Variants in LIPC observed in about 807,000 individuals in gnomAD.
The protein encoded by LIPC is hepatic triacylglycerol lipase.
Under a neutral mutation model 50.7 loss-of-function variants are expected in LIPC, and 44 were observed. The ratio of observed to expected loss-of-function variants is 0.87; its 90% CI spans 0.68 to 1.11. The LOEUF (loss-of-function observed/expected upper bound fraction) is 1.11, where lower values mean the gene tolerates loss of function less well. Among genes scored for constraint, LIPC ranks in the 50% most tolerant of loss-of-function variants. The pLI, the probability that LIPC is intolerant of heterozygous loss-of-function variation, is 0.00. For missense variants in LIPC, 697 were observed against 648.2 expected (o/e 1.08, Z -0.82); for synonymous variants, 271 against 256.4 (o/e 1.06, Z -0.54).
At chr15:58,460,588 TG>T (rs1396097296) in intron 1 of LIPC, among the ~76,000 whole-genome samples, 1 of 152,224 alleles carries the variant, frequency 6.6e-6, no homozygotes, top group Non-Finnish European at 1.5e-5. Flanking sequence ...TCTCCACGGC[TG>T]GGAAACCCAG....
At chr15:58,552,893 A>C (rs1171609529) in intron 6 of LIPC, among the ~76,000 whole-genome samples, 11 of 152,224 alleles carry the variant, frequency 7.2e-5, no homozygotes, top group African/African-American at 2.7e-4. Flanking sequence ...GTGAATAGAC[A>C]TGGGGATGAA....
chr15:58,447,729 C>T (rs928838804), intron 1 of LIPC, among the ~76,000 whole-genome samples: 2 of 152,150 alleles, frequency 1.3e-5, no homozygotes, highest in African/African-American at 2.4e-5. Flanking sequence ...TTGGGATGGG[C>T]TCCAGGATCC....
Position 58,511,190 on chromosome 15 carries a change from A to G in LIPC, c.89-27143A>G, listed in dbSNP as rs550199320. 2.0e-4 allele frequency among the ~76,000 whole-genome samples: 31 copies of G among 152,248 alleles called. No individual in the cohort carries two copies. In the South Asian group the frequency reaches 5.4e-3, roughly 26 times the overall value. On this transcript the variant is annotated intron_variant, in intron 1 of 8. Transcript: ENST00000299022. The stretch of plus-strand genomic sequence containing the variant: ...CAAAATACGAATTAAATGATTATCC[A>G]TGGTCTTGTGTAATTCTGGCATGTT...
chr15:58,468,382 G>A (rs890196307), intron 1 of LIPC, among the ~76,000 whole-genome samples: 1 of 152,136 alleles, frequency 6.6e-6, no homozygotes, highest in Non-Finnish European at 1.5e-5. Context: ...ACATGTTAGG[G>A]TCTCACCCCA....
intron 8 of LIPC, among the ~76,000 whole-genome samples, chr15:58,564,770 C>T (rs1252555252): frequency 6.6e-6 from 1 of 151,942 alleles, no homozygotes; most frequent in African/African-American, 2.4e-5. Context: ...GAAGGATGCT[C>T]CAGCGCTCCT....
chr15:58,541,941 G>T lies in LIPC; in HGVS notation c.430G>T (p.Val144Phe), dbSNP rs1176926326. 1 of 1,611,066 alleles carries T rather than the reference G, an allele frequency of 6.2e-7. No individual in the cohort carries two copies. ...VRNTRLVGKEVAALLRWLEES... is the reference protein window; with the variant it reads ...VRNTRLVGKEFAALLRWLEES... ...CAACACCCGCCTTGTGGGCAAGGAG[G>T]TCGCGGCTCTTCTCCGGTGGCTGGA... The change falls in exon 3 of 9, where the codon GTC becomes TTC. Residue 144 changes from valine (V) to phenylalanine (F), a missense_variant. Coordinates refer to ENST00000299022, the MANE Select transcript of LIPC (RefSeq NM_000236.3).
At chr15:58,539,608 C>G (rs1423724509) in intron 2 of LIPC, among the ~76,000 whole-genome samples, 1 of 152,050 alleles carries the variant, frequency 6.6e-6, no homozygotes, top group Non-Finnish European at 1.5e-5. Flanking sequence ...GAAACCTTTC[C>G]CTGCCATCTA....
intron 1 of LIPC, among the ~76,000 whole-genome samples, chr15:58,532,561 T>C (rs1003260756): frequency 1.3e-5 from 2 of 152,244 alleles, no homozygotes; most frequent in East Asian, 3.8e-4. Context: ...GCATGTTGTA[T>C]GAAAAACCTT....
chr15:58,479,789 A>C (rs1014203511), intron 1 of LIPC, among the ~76,000 whole-genome samples: 2 of 152,146 alleles, frequency 1.3e-5, no homozygotes, highest in Non-Finnish European at 2.9e-5. Context: ...TGCCTTGTAC[A>C]TTTCTCCAAT....
chr15:58,439,485 C>T (rs1446035145), intron 1 of LIPC, among the ~76,000 whole-genome samples: 2 of 152,166 alleles, frequency 1.3e-5, no homozygotes, highest in Non-Finnish European at 2.9e-5. Flanking sequence ...GCTCTGTCGC[C>T]CAGGCTGGAG....
At chr15:58,477,168 A>G (rs1194449029) in intron 1 of LIPC, among the ~76,000 whole-genome samples, 1 of 152,194 alleles carries the variant, frequency 6.6e-6, no homozygotes, top group Non-Finnish European at 1.5e-5. Flanking sequence ...CTGTATGTAG[A>G]CTTTCTTCCA....
At chr15:58,541,666 C>T (rs994045512) in intron 2 of LIPC, 119 bp from the exon 3 acceptor site, 5 of 1,014,528 alleles carry the variant, frequency 4.9e-6, no homozygotes, top group African/African-American at 3.2e-5. Context: ...GTCAACTGTG[C>T]ATGGCTGAGA....
Position 58,500,385 on chromosome 15 carries a change from G to A in LIPC, c.89-37948G>A, listed in dbSNP as rs577293121. On this transcript the variant is annotated intron_variant, in intron 1 of 8. Coordinates refer to ENST00000299022, the MANE Select transcript of LIPC (RefSeq NM_000236.3). ...GTGACTCTAGCCTCTTCACTGTCAC[G>A]CTTGCTCTCGTCTGAACGTGCTTCC... 1.1e-4 allele frequency among the ~76,000 whole-genome samples: 17 copies of A among 152,280 alleles called. No homozygotes were observed. In the South Asian group the frequency reaches 2.9e-3, roughly 26 times the overall value.
At chr15:58,502,149 G>A (rs1892004936) in intron 1 of LIPC, among the ~76,000 whole-genome samples, 1 of 152,166 alleles carries the variant, frequency 6.6e-6, no homozygotes, top group Admixed American at 6.5e-5. Flanking sequence ...CCAGAGTGGG[G>A]CAGGAAGAAG....
At chr15:58,500,621 A>T (rs1891950883) in intron 1 of LIPC, among the ~76,000 whole-genome samples, 1 of 152,110 alleles carries the variant, frequency 6.6e-6, no homozygotes, top group Admixed American at 6.6e-5. Context: ...CTGTTTTCAT[A>T]TGTGCTGCTA....
chr15:58,539,645 T>G (rs1893255817), intron 2 of LIPC, among the ~76,000 whole-genome samples: 1 of 151,970 alleles, frequency 6.6e-6, no homozygotes, highest in Admixed American at 6.6e-5. Flanking sequence ...GAAACCCCCA[T>G]CTATCCTATC....
chr15:58,565,821 T>C (rs7169280), intron 8 of LIPC: 980,099 of 984,944 alleles, frequency 1, 487,813 homozygotes, highest in East Asian at 1. Flanking sequence ...GGAGGTACTG[T>C]ATGCGGGTTA....
At chr15:58,493,224 C>A (rs977772816) in intron 1 of LIPC, among the ~76,000 whole-genome samples, 2 of 152,118 alleles carry the variant, frequency 1.3e-5, no homozygotes, top group East Asian at 1.9e-4. Context: ...ACTAGCAAGG[C>A]GAGGAGGTTC....
intron 1 of LIPC, among the ~76,000 whole-genome samples, chr15:58,508,389 G>A (rs1018863753): frequency 2.5e-4 from 38 of 152,086 alleles, no homozygotes; most frequent in African/African-American, 8.7e-4. Context: ...AGCAATATTA[G>A]TCCAGTCCAG....
Sources: gnomAD v4.1 joint callset for allele counts (sites outside exome capture counted in the v4.1 genomes callset) on GRCh38, gnomAD v4.1.1 for gene constraint, MANE v1.5 for transcripts, NCBI Gene and HGNC (gene_info 2026-07-23, HGNC 2026-07-21) for gene names.